ODR4: variants seen among roughly 807,000 people sequenced by gnomAD.
ODR4 encodes the protein protein odr-4 homolog.
ODR4 carries 47 observed loss-of-function variants against 60.2 expected under a neutral mutation model. That is an observed-to-expected ratio of 0.78 (90% confidence interval 0.62 to 1.00). The LOEUF (loss-of-function observed/expected upper bound fraction) is 1.00. ODR4 is among the 50% of genes least tolerant of loss of function. The pLI is 0.00. For synonymous variants in ODR4, 178 were observed against 175.5 expected (o/e 1.01, Z -0.11); for missense variants, 488 against 530.8 (o/e 0.92, Z 0.79).
downstream of ODR4, among the ~76,000 whole-genome samples, chr1:186,424,331 G>A (rs868146990): frequency 3.9e-5 from 6 of 152,156 alleles, no homozygotes; most frequent in Non-Finnish European, 5.9e-5. Context: ...ACTGTATTAT[G>A]TAGGAATATG....
chr1:186,411,197 G>C (rs577970517), intron 12 of ODR4, among the ~76,000 whole-genome samples: 1 of 152,078 alleles, frequency 6.6e-6, no homozygotes, highest in Admixed American at 6.5e-5. Context: ...TCTTGGGTTA[G>C]GAATGCTAAG....
chr1:186,421,594 G>C (rs569243134), downstream of ODR4, among the ~76,000 whole-genome samples: 6 of 152,120 alleles, frequency 3.9e-5, no homozygotes, highest in South Asian at 1.2e-3. Flanking sequence ...GGCCAGGCAC[G>C]GTGGCTCACA....
intron 8 of ODR4, among the ~76,000 whole-genome samples, chr1:186,392,959 C>G (rs1041395724): frequency 6.6e-6 from 1 of 152,150 alleles, no homozygotes; most frequent in East Asian, 1.9e-4. Flanking sequence ...GAGCCGAGAT[C>G]GTGCCACTGC....
chr1:186,388,912 A>AT (rs1470092884), intron 5 of ODR4, among the ~76,000 whole-genome samples: 3 of 152,178 alleles, frequency 2.0e-5, no homozygotes, highest in Admixed American at 1.3e-4. Flanking sequence ...TCCAGTTTCT[A>AT]TAGATAAGGA....
intron 12 of ODR4, among the ~76,000 whole-genome samples, chr1:186,410,029 A>G (rs1197827753): frequency 1.3e-5 from 2 of 152,234 alleles, no homozygotes; most frequent in African/African-American, 4.8e-5. Context: ...TTGATCTTTC[A>G]CATTAGACTA....
intron 1 of ODR4, among the ~76,000 whole-genome samples, chr1:186,377,169 G>A (rs1459687231): frequency 6.6e-6 from 1 of 152,002 alleles, no homozygotes; most frequent in African/African-American, 2.4e-5. Flanking sequence ...TGCTATAGTT[G>A]TTATATTATA....
chr1:186,414,561 C>G (rs957290629), intron 12 of ODR4, among the ~76,000 whole-genome samples: 1 of 150,948 alleles, frequency 6.6e-6, no homozygotes, highest in African/African-American at 2.4e-5. Flanking sequence ...GCTCTGTTGC[C>G]CAGGCTGGAG....
At position 186,420,948 on chromosome 1, in the gene ODR4, A is replaced by G. The variant is rs550599894; in HGVS notation, c.*1872A>G. On this transcript the variant is annotated 3_prime_UTR_variant, in exon 14 of 14. Transcript: ENST00000287859. ...TAAAATCCAGGCCTAGACTCAAGGT[A>G]TTGTAAATGACAAGATACCAAATAC... 1.3e-5 allele frequency: 2 copies of G among 152,332 alleles called. No homozygotes were observed. The highest frequency in any genetic ancestry group is 2.4e-5 in the African/African-American group (1 of 41,574). 9.4% of individuals were successfully genotyped at this position (152,332 alleles called of 1,614,324 possible).
intron 9 of ODR4, among the ~76,000 whole-genome samples, chr1:186,398,009 T>G (rs1394357007): frequency 6.6e-6 from 1 of 152,218 alleles, no homozygotes; most frequent in Non-Finnish European, 1.5e-5. Context: ...ATGTGAATAA[T>G]TTGCAAATAA....
At chr1:186,427,234 A>G in the ODR4 span, among the ~76,000 whole-genome samples, 1 of 152,362 alleles carries the variant, frequency 6.6e-6, no homozygotes, top group East Asian at 1.9e-4. Context: ...GCCATTTGAT[A>G]GCATTTTACC....
intron 11 of ODR4, 102 bp downstream of exon 11, chr1:186,399,146 T>C: frequency 1.3e-6 from 1 of 787,604 alleles, no homozygotes; most frequent in Non-Finnish European, 2.2e-6. Context: ...TACCTATCTA[T>C]ATTTTCAAGC....
rs373394545 is a variant in ODR4 at position 186,417,525 on chromosome 1, T to G, written c.1187-19T>G. On this transcript the variant is annotated intron_variant, in intron 12 of 13. Transcript: ENST00000287859. The stretch of plus-strand genomic sequence containing the variant: ...AATCCTTATTTTATGTGGAATTTAT[T>G]ATTATTATACCCTTTCAGCTTGTAT... 11 of 1,322,988 alleles carry G rather than the reference T, an allele frequency of 8.3e-6. No homozygotes were observed. Among genetic ancestry groups the G allele is most frequent in the African/African-American group, 1.5e-5 (1 of 68,148 alleles). 82.0% of individuals were successfully genotyped at this position (1,322,988 alleles called of 1,614,324 possible).
chr1:186,408,900 G>T (rs1004675283), intron 12 of ODR4, among the ~76,000 whole-genome samples: 1 of 151,846 alleles, frequency 6.6e-6, no homozygotes, highest in Non-Finnish European at 1.5e-5. Context: ...AAATATTTCT[G>T]TCTTAAGTAT....
intron 11 of ODR4, among the ~76,000 whole-genome samples, chr1:186,399,978 CT>C (rs1399196883): frequency 4.9e-4 from 63 of 128,512 alleles, no homozygotes; most frequent in South Asian, 4.3e-3. Context: ...TCTCCCCATT[CT>C]TTTTTTTTTT....
chr1:186,384,825 A>C (rs1355921959), intron 3 of ODR4, among the ~76,000 whole-genome samples: 1 of 152,168 alleles, frequency 6.6e-6, no homozygotes, highest in Non-Finnish European at 1.5e-5. Flanking sequence ...AATTTATTAA[A>C]TCAGAGGAAA....
intron 9 of ODR4, among the ~76,000 whole-genome samples, chr1:186,394,921 C>G (rs1252038156): frequency 6.6e-6 from 1 of 152,136 alleles, no homozygotes; most frequent in Non-Finnish European, 1.5e-5. Context: ...TTGAGGCTGG[C>G]TATTCCACTA....
chr1:186,429,821 G>T, the ODR4 span, among the ~76,000 whole-genome samples: 1 of 152,024 alleles, frequency 6.6e-6, no homozygotes, highest in East Asian at 1.9e-4. Flanking sequence ...CTTGATTTCT[G>T]ATTTTAACCT....
In ODR4 at chr1:186,417,611, A is replaced by G. The variant is rs116562402; in HGVS notation, c.1254A>G (p.Gln418=). The G allele has an allele frequency of 1.9e-6, 3 of 1,601,564 alleles. No homozygotes were observed. The African/African-American group carries it at 4.0e-5, about 21-fold the overall frequency. Residue 418 remains glutamine (Q), a synonymous_variant, in exon 13 of 14, where the codon CAA becomes CAG. Coordinates refer to ENST00000287859, the MANE Select transcript of ODR4 (RefSeq NM_017847.6). The part of the protein sequence containing the change: ...LDNTDDEQPK[Q]PIKTTMLLKI... ...ACACAGATGATGAACAACCAAAACA[A>G]CCAATTAAAACTACAATGTTATTGA... is the stretch of plus-strand genomic sequence containing the variant.
At chr1:186,422,032 A>T (rs532527278), downstream of ODR4, among the ~76,000 whole-genome samples, 1 of 152,196 alleles carries the variant, frequency 6.6e-6, no homozygotes, top group South Asian at 2.1e-4. Context: ...AATGAATATG[A>T]ATAGACAATT....
Sources: gnomAD v4.1 joint callset for allele counts (sites outside exome capture counted in the v4.1 genomes callset) on GRCh38, gnomAD v4.1.1 for gene constraint, MANE v1.5 for transcripts, NCBI Gene and HGNC (gene_info 2026-07-23, HGNC 2026-07-21) for gene names.